GASK1A: variants seen among roughly 807,000 people sequenced by gnomAD.
GASK1A encodes the protein Golgi-associated kinase 1A.
A neutral mutation model predicts 41.2 loss-of-function variants in GASK1A; 40 were observed. The ratio of observed to expected loss-of-function variants is 0.97; its 90% CI spans 0.75 to 1.27. The LOEUF (loss-of-function observed/expected upper bound fraction) is 1.27. Among genes scored for constraint, GASK1A ranks in the 50% most tolerant of loss-of-function variants. GASK1A has a pLI of 0.00. For synonymous variants in GASK1A, 316 were observed against 307.1 expected, an observed-to-expected ratio of 1.03 and a Z score of -0.30; for missense variants, 678 against 745.1, an observed-to-expected ratio of 0.91 and a Z score of 1.05.
intron 2 of GASK1A, among the ~76,000 whole-genome samples, chr3:43,035,833 A>C: frequency 6.6e-6 from 1 of 152,204 alleles, no homozygotes; most frequent in East Asian, 1.9e-4. Flanking sequence ...ATTTAATCCT[A>C]TTTTAAAGTT....
At chr3:43,035,885 T>C (rs568712532) in intron 2 of GASK1A, among the ~76,000 whole-genome samples, 2 of 152,362 alleles carry the variant, frequency 1.3e-5, no homozygotes, top group East Asian at 3.9e-4. Context: ...TTGCCCAAGG[T>C]GGCAGCTTGT....
intron 2 of GASK1A, chr3:43,037,382 A>C (rs1168560923): frequency 2.1e-6 from 2 of 967,008 alleles, no homozygotes; most frequent in Non-Finnish European, 3.4e-6. Flanking sequence ...ATTGAAATGC[A>C]CTAAGTACAG....
intron 1 of GASK1A, among the ~76,000 whole-genome samples, chr3:43,012,694 G>A (rs1339051514): frequency 1.4e-5 from 2 of 147,744 alleles, no homozygotes; most frequent in Non-Finnish European, 3.0e-5. Context: ...GGCAGTGTGA[G>A]GCCACAGGAA....
chr3:43,034,397 G>A (rs1042312200), intron 2 of GASK1A, among the ~76,000 whole-genome samples: 1 of 152,318 alleles, frequency 6.6e-6, no homozygotes, highest in Middle Eastern at 3.4e-3. Context: ...GGGACTACAG[G>A]CACCAGCTAT....
chr3:43,038,162 C>T (rs563848715), intron 2 of GASK1A, among the ~76,000 whole-genome samples: 1 of 152,286 alleles, frequency 6.6e-6, no homozygotes, highest in African/African-American at 2.4e-5. Flanking sequence ...CTTTTCGTGA[C>T]TCACACCATG....
intron 1 of GASK1A, among the ~76,000 whole-genome samples, chr3:42,994,249 G>A (rs1299311977): frequency 6.6e-6 from 1 of 152,166 alleles, no homozygotes; most frequent in East Asian, 1.9e-4. Context: ...AGATAGAGGA[G>A]AAGAAAGGGC....
intron 1 of GASK1A, among the ~76,000 whole-genome samples, chr3:42,986,688 T>C (rs1051349324): frequency 6.6e-6 from 1 of 152,130 alleles, no homozygotes; most frequent in African/African-American, 2.4e-5. Flanking sequence ...TGTGTTATTG[T>C]CCCTAGGGCA....
intron 2 of GASK1A, among the ~76,000 whole-genome samples, chr3:43,045,030 G>T (rs955151555): frequency 1.3e-5 from 2 of 152,198 alleles, no homozygotes; most frequent in African/African-American, 4.8e-5. Context: ...GGATGTGGGG[G>T]TAAACAGGTG....
At chr3:43,023,013 A>G (rs1381839890) in intron 1 of GASK1A, among the ~76,000 whole-genome samples, 1 of 152,198 alleles carries the variant, frequency 6.6e-6, no homozygotes, top group Non-Finnish European at 1.5e-5. Context: ...AATAATTACC[A>G]TGTGTAGTAG....
chr3:43,003,492 CAAAAA>C (rs34122767), intron 1 of GASK1A, among the ~76,000 whole-genome samples: 1 of 95,512 alleles, frequency 1.0e-5, no homozygotes, highest in African/African-American at 4.2e-5. Flanking sequence ...GAGACTGTCT[CAAAAA>C]AAAAAAAAAA....
chr3:43,047,247 C>G (rs1426783468), intron 2 of GASK1A, among the ~76,000 whole-genome samples: 1 of 152,236 alleles, frequency 6.6e-6, no homozygotes, highest in Non-Finnish European at 1.5e-5. Context: ...GGTCTCTATC[C>G]TGCAAAGCTA....
Position 43,033,217 on chromosome 3 carries a change from C to A in GASK1A, c.954C>A (p.Gly318=), listed in dbSNP as rs1332215098. ...LSQLCSQGLC[G]LIKRPGDLPE... is the part of the protein sequence containing the mutation. ...AACTCTGTTCCCAAGGGCTCTGTGG[C>A]CTGATCAAGAGGCCTGGGGACCTGC... The change falls in exon 2 of 5, where the codon GGC becomes GGA. Residue 318 remains glycine (G), a synonymous_variant. Coordinates refer to ENST00000430121, the MANE Select transcript of GASK1A (RefSeq NM_001129908.3). The A allele has an allele frequency of 6.4e-7, 1 of 1,551,682 alleles. No homozygotes were observed. The highest frequency in any genetic ancestry group is 2.0e-5 in the Admixed American group (1 of 51,000).
chr3:43,033,598 G>T, intron 2 of GASK1A, 45 bp downstream of exon 2: 6 of 1,458,804 alleles, frequency 4.1e-6, no homozygotes, highest in Non-Finnish European at 5.5e-6. Flanking sequence ...CGGAGGTAGG[G>T]GGTTCTGGGT....
chr3:42,987,804 G>T (rs954732845), intron 1 of GASK1A, among the ~76,000 whole-genome samples: 2 of 152,010 alleles, frequency 1.3e-5, no homozygotes, highest in African/African-American at 2.4e-5. Flanking sequence ...TTTGAGACCA[G>T]CCTGGCCAAC....
intron 1 of GASK1A, among the ~76,000 whole-genome samples, chr3:43,019,452 G>A (rs1239184645): frequency 6.6e-6 from 1 of 152,190 alleles, no homozygotes; most frequent in East Asian, 1.9e-4. Context: ...GGAAATCAAG[G>A]AAAGCAGGGT....
intron 1 of GASK1A, among the ~76,000 whole-genome samples, chr3:43,015,172 G>A (rs1238518324): frequency 1.3e-5 from 2 of 151,714 alleles, no homozygotes; most frequent in African/African-American, 2.4e-5. Flanking sequence ...CACAGAAAGG[G>A]GCAGGGTGGT....
At chr3:42,987,952 T>C (rs1005813497) in intron 1 of GASK1A, among the ~76,000 whole-genome samples, 12 of 125,850 alleles carry the variant, frequency 9.5e-5, no homozygotes, top group Non-Finnish European at 1.7e-4. Flanking sequence ...TGAGCTGAGA[T>C]TGAGCCACTG....
chr3:42,997,343 G>A (rs1291276610), intron 1 of GASK1A, among the ~76,000 whole-genome samples: 2 of 151,338 alleles, frequency 1.3e-5, no homozygotes, highest in Non-Finnish European at 2.9e-5. Context: ...CCTGCTCTTC[G>A]GAGCTCCCTT....
At chr3:42,996,890 TCTC>T (rs1298616394) in intron 1 of GASK1A, among the ~76,000 whole-genome samples, 1 of 152,218 alleles carries the variant, frequency 6.6e-6, no homozygotes, top group Non-Finnish European at 1.5e-5. Flanking sequence ...GGACTTGTGG[TCTC>T]CTTGGAGAAT....
Sources: gnomAD v4.1 joint callset for allele counts (sites outside exome capture counted in the v4.1 genomes callset) on GRCh38, gnomAD v4.1.1 for gene constraint, MANE v1.5 for transcripts, NCBI Gene and HGNC (gene_info 2026-07-23, HGNC 2026-07-21) for gene names.